The following CNTNAP2 variants were observed in gnomAD, a reference collection of about 807,000 sequenced individuals.
CNTNAP2 encodes contactin-associated protein-like 2.
A neutral mutation model predicts 155.2 loss-of-function variants in CNTNAP2; 98 were observed. That is an observed-to-expected ratio of 0.63 (90% CI 0.54 to 0.75). The LOEUF is 0.75. CNTNAP2 is among the 30% of genes least tolerant of loss of function. CNTNAP2 has a pLI of 0.00. For synonymous variants in CNTNAP2, 651 were observed against 631.2 expected, an observed-to-expected ratio of 1.03 and a Z score of -0.47; for missense variants, 1,727 against 1,688.1, an observed-to-expected ratio of 1.02 and a Z score of -0.40.
At chr7:147,499,554 G>A (rs1295572173) in intron 11 of CNTNAP2, among the ~76,000 whole-genome samples, 1 of 152,036 alleles carries the variant, frequency 6.6e-6, no homozygotes, top group African/African-American at 2.4e-5. Flanking sequence ...ATATAATGAT[G>A]TATTAAGGTT....
In CNTNAP2 at chr7:147,437,125, A is replaced by T. The variant is rs74467422; in HGVS notation, c.1670+41345A>T. On this transcript the variant is annotated intron_variant, in intron 10 of 23. Transcript: ENST00000361727. The stretch of plus-strand genomic sequence containing the variant: ...ACATAGTTTTAATCACGGAACTAGT[A>T]TGTGGCCTGGACACACTTGGAAAGA... Among the ~76,000 whole-genome samples, 1,434 of 152,192 alleles carry T rather than the reference A, an allele frequency of 9.4e-3. 24 individuals are homozygous for T. Among genetic ancestry groups the T allele is most frequent in the African/African-American group, 0.032 (1,342 of 41,528 alleles).
In CNTNAP2 at chr7:146,398,184, CT is replaced by C. The variant is rs34144986; in HGVS notation, c.97+281233del. ...GTGAGCACCTATACCCGGCCCCAAA[CT>C]TTTTTTTTTTTTTTTTTTTTTAGCA... On this transcript the variant is annotated intron_variant, in intron 1 of 23. Transcript: ENST00000361727. Among the ~76,000 whole-genome samples, 867 of 107,020 alleles carry C rather than the reference CT, an allele frequency of 8.1e-3. 23 individuals are homozygous for C. The highest frequency in any genetic ancestry group is 0.056 in the Admixed American group (547 of 9,784). 70.2% of individuals were successfully genotyped at this position (107,020 alleles called of 152,430 possible).
chr7:148,282,086 GT>G (rs1440082061), intron 21 of CNTNAP2, among the ~76,000 whole-genome samples: 2 of 152,020 alleles, frequency 1.3e-5, no homozygotes, highest in Non-Finnish European at 2.9e-5. Flanking sequence ...GCCTCCTAAA[GT>G]TCTGGGATTA....
intron 1 of CNTNAP2, among the ~76,000 whole-genome samples, chr7:146,357,901 A>G (rs1243280675): frequency 8.6e-6 from 1 of 115,930 alleles, no homozygotes; most frequent in Non-Finnish European, 1.6e-5. Flanking sequence ...GTATACACAT[A>G]AAAGAATGCA....
chr7:146,537,309 C>A (rs1797884177), intron 1 of CNTNAP2, among the ~76,000 whole-genome samples: 1 of 151,974 alleles, frequency 6.6e-6, no homozygotes. Flanking sequence ...AAATAAGTAT[C>A]TGAGAAAAAT....
chr7:146,626,438 T>C (rs1452397419), intron 1 of CNTNAP2, among the ~76,000 whole-genome samples: 2 of 152,140 alleles, frequency 1.3e-5, no homozygotes, highest in East Asian at 3.9e-4. Flanking sequence ...GAGCCCAGCA[T>C]GCTTCAAAAT....
At chr7:147,216,801 C>A (rs1467932292) in intron 8 of CNTNAP2, among the ~76,000 whole-genome samples, 3 of 151,990 alleles carry the variant, frequency 2.0e-5, no homozygotes, top group Non-Finnish European at 4.4e-5. Context: ...ATTGAGTCAT[C>A]CTTTCCTTGA....
chr7:146,616,795 C>T (rs1243404137), intron 1 of CNTNAP2, among the ~76,000 whole-genome samples: 1 of 152,186 alleles, frequency 6.6e-6, no homozygotes, highest in East Asian at 1.9e-4. Flanking sequence ...CATTCCTTTT[C>T]TGTATCGGGT....
intron 10 of CNTNAP2, among the ~76,000 whole-genome samples, chr7:147,430,075 T>A (rs1179511449): frequency 1.3e-5 from 2 of 152,150 alleles, no homozygotes; most frequent in Non-Finnish European, 2.9e-5. Context: ...ATTTTAGGAT[T>A]GTTTGACTTA....
chr7:146,724,560 ACTTTTTTTT>A (rs1801396068), intron 1 of CNTNAP2, among the ~76,000 whole-genome samples: 1 of 115,724 alleles, frequency 8.6e-6, no homozygotes, highest in African/African-American at 3.4e-5. Flanking sequence ...TTAAATCTAA[ACTTTTTTTT>A]TTTTTTTTTT....
intron 13 of CNTNAP2, among the ~76,000 whole-genome samples, chr7:147,652,198 C>T (rs1157782875): frequency 6.6e-6 from 1 of 152,122 alleles, no homozygotes; most frequent in Non-Finnish European, 1.5e-5. Flanking sequence ...CTATTGTTTG[C>T]TTACAATTTA....
chr7:146,591,838 C>T (rs1584996917), intron 1 of CNTNAP2, among the ~76,000 whole-genome samples: 1 of 152,140 alleles, frequency 6.6e-6, no homozygotes, highest in Non-Finnish European at 1.5e-5. Context: ...TCTGCATTTT[C>T]TTTGCTGATC....
chr7:147,093,110 G>T (rs1025141967), intron 4 of CNTNAP2, among the ~76,000 whole-genome samples: 2 of 150,650 alleles, frequency 1.3e-5, no homozygotes, highest in African/African-American at 2.4e-5. Flanking sequence ...GCGTGGTGGC[G>T]GATGCCTGTA....
intron 1 of CNTNAP2, among the ~76,000 whole-genome samples, chr7:146,597,213 T>C (rs2129150718): frequency 6.6e-6 from 1 of 152,224 alleles, no homozygotes; most frequent in South Asian, 2.1e-4. Flanking sequence ...GTGGCCGTTG[T>C]TGGCATAAAT....
intron 14 of CNTNAP2, among the ~76,000 whole-genome samples, chr7:147,925,590 C>G (rs1800382951): frequency 6.6e-6 from 1 of 151,982 alleles, no homozygotes; most frequent in African/African-American, 2.4e-5. Flanking sequence ...CCTCAGCCTC[C>G]CGAGTAGCTG....
intron 5 of CNTNAP2, among the ~76,000 whole-genome samples, chr7:147,114,356 G>A (rs951140789): frequency 7.2e-5 from 11 of 152,232 alleles, no homozygotes; most frequent in East Asian, 1.9e-4. Context: ...TTCAAGTCCT[G>A]GATGTCTTTG....
intron 5 of CNTNAP2, among the ~76,000 whole-genome samples, chr7:147,120,654 T>C (rs924596094): frequency 5.3e-5 from 8 of 152,130 alleles, no homozygotes; most frequent in Admixed American, 3.3e-4. Flanking sequence ...TATTATACTT[T>C]AAGTTTTAGG....
At chr7:146,808,938 A>G (rs753686213) in intron 2 of CNTNAP2, among the ~76,000 whole-genome samples, 8 of 152,192 alleles carry the variant, frequency 5.3e-5, no homozygotes, top group African/African-American at 4.8e-5. Flanking sequence ...GTGTGCATAC[A>G]TGTCACATTT....
intron 9 of CNTNAP2, among the ~76,000 whole-genome samples, chr7:147,363,595 A>G (rs1051698491): frequency 3.9e-5 from 6 of 152,158 alleles, no homozygotes; most frequent in Non-Finnish European, 1.5e-5. Context: ...ATAAATCTGT[A>G]TGATTCAGTC....
Sources: gnomAD v4.1 joint callset for allele counts (sites outside exome capture counted in the v4.1 genomes callset) on GRCh38, gnomAD v4.1.1 for gene constraint, MANE v1.5 for transcripts, NCBI Gene and HGNC (gene_info 2026-07-23, HGNC 2026-07-21) for gene names.